BTRC: variants seen among roughly 807,000 people sequenced by gnomAD.
BTRC encodes the protein beta-transducin repeat containing E3 ubiquitin protein ligase.
Under a neutral mutation model 85.5 loss-of-function variants are expected in BTRC, and 42 were observed. The observed-to-expected ratio is 0.49, with a 90% CI of 0.38 to 0.64. The LOEUF is 0.64. Among genes scored for constraint, BTRC ranks in the 30% least tolerant of loss-of-function variants. The pLI, the probability that BTRC is intolerant of heterozygous loss-of-function variation, is 0.00. For synonymous variants in BTRC, 255 were observed against 263.3 expected (o/e 0.97, Z 0.30); for missense variants, 594 against 743.5 (o/e 0.80, Z 2.34).
At chr10:101,499,965 A>G (rs1044570889) in intron 4 of BTRC, among the ~76,000 whole-genome samples, 7 of 151,758 alleles carry the variant, frequency 4.6e-5, no homozygotes, top group African/African-American at 1.7e-4. Context: ...CAGGCTATGG[A>G]CTATAATGCT....
chr10:101,362,759 C>G (rs1168657082), intron 1 of BTRC, among the ~76,000 whole-genome samples: 1 of 152,128 alleles, frequency 6.6e-6, no homozygotes, highest in Non-Finnish European at 1.5e-5. Context: ...AACAGCTGGT[C>G]CCTCATATTT....
At chr10:101,503,511 A>G (rs375702622) in intron 4 of BTRC, among the ~76,000 whole-genome samples, 11 of 152,232 alleles carry the variant, frequency 7.2e-5, no homozygotes, top group East Asian at 5.8e-4. Flanking sequence ...TTTCCTGGAT[A>G]AATTAAGAAA....
At chr10:101,516,245 G>T (rs1000611524) in intron 4 of BTRC, among the ~76,000 whole-genome samples, 1 of 151,950 alleles carries the variant, frequency 6.6e-6, no homozygotes, top group East Asian at 1.9e-4. Context: ...TTTTCATGAG[G>T]GTTTTTTAAT....
chr10:101,423,167 G>A (rs1944153737), intron 1 of BTRC, among the ~76,000 whole-genome samples: 1 of 152,100 alleles, frequency 6.6e-6, no homozygotes, highest in Non-Finnish European at 1.5e-5. Context: ...TCCCACCTTG[G>A]CCTCCCAAAG....
chr10:101,402,167 A>C (rs539202677), intron 1 of BTRC, among the ~76,000 whole-genome samples: 1 of 152,316 alleles, frequency 6.6e-6, no homozygotes. Context: ...CAGCTACTTC[A>C]TATCTGATAA....
Position 101,532,945 on chromosome 10 carries a change from A to G in BTRC, c.979-7A>G, listed in dbSNP as rs778784269. 4 of 1,599,060 alleles carry G rather than the reference A, an allele frequency of 2.5e-6. No homozygotes were observed. Among genetic ancestry groups the G allele is most frequent in the African/African-American group, 1.3e-5 (1 of 74,442 alleles). ...ATTGATCAAAAGGATCTTATTTGCC[A>G]TCCTAGATCTGGGATAAAAACACAT... On this transcript the variant is annotated splice_region_variant and splice_polypyrimidine_tract_variant and intron_variant, in intron 8 of 14. Coordinates refer to ENST00000370187, the MANE Select transcript of BTRC (RefSeq NM_033637.4).
chr10:101,419,666 A>G (rs1944044698), intron 1 of BTRC, among the ~76,000 whole-genome samples: 1 of 152,204 alleles, frequency 6.6e-6, no homozygotes, highest in Admixed American at 6.5e-5. Flanking sequence ...TAACCTAATT[A>G]GGAAAATGGC....
At chr10:101,389,837 C>T (rs1475210490) in intron 1 of BTRC, among the ~76,000 whole-genome samples, 3 of 151,916 alleles carry the variant, frequency 2.0e-5, no homozygotes, top group African/African-American at 7.3e-5. Flanking sequence ...GTTGCCCAGC[C>T]TGGTCTTGAC....
chr10:101,488,359 G>A lies in BTRC; in HGVS notation c.324+8902G>A, dbSNP rs1257157903. On this transcript the variant is annotated intron_variant, in intron 4 of 14. Coordinates refer to ENST00000370187, the MANE Select transcript of BTRC (RefSeq NM_033637.4). The stretch of plus-strand genomic sequence containing the variant: ...GCTATTGACTTCTCAGTGTTGGGCT[G>A]TGTTATTTCAATTTATGTAATTGAG... Among the ~76,000 whole-genome samples the A allele has an allele frequency of 9.2e-5, 14 of 152,288 alleles. 1 individual carries two copies. In the East Asian group the frequency reaches 2.7e-3, roughly 29 times the overall value.
intron 4 of BTRC, among the ~76,000 whole-genome samples, chr10:101,514,189 C>T (rs2061993011): frequency 6.6e-6 from 1 of 152,106 alleles, no homozygotes; most frequent in Non-Finnish European, 1.5e-5. Flanking sequence ...TTGTGAAATA[C>T]ATTTATTGCA....
At chr10:101,362,747 C>T (rs961766939) in intron 1 of BTRC, among the ~76,000 whole-genome samples, 1 of 152,172 alleles carries the variant, frequency 6.6e-6, no homozygotes, top group Admixed American at 6.6e-5. Context: ...TAGCTAACAG[C>T]TAACAGCTGG....
chr10:101,503,960 C>A (rs912905960), intron 4 of BTRC, among the ~76,000 whole-genome samples: 3 of 152,144 alleles, frequency 2.0e-5, no homozygotes, highest in Non-Finnish European at 4.4e-5. Context: ...TTCCCATACA[C>A]TTTTTAACTG....
intron 1 of BTRC, among the ~76,000 whole-genome samples, chr10:101,372,738 G>C (rs1158012728): frequency 2.0e-5 from 3 of 151,672 alleles, no homozygotes; most frequent in African/African-American, 7.3e-5. Flanking sequence ...GGTGGGGCAT[G>C]CCTGTAATCC....
chr10:101,461,460 T>A (rs1430512721), intron 2 of BTRC, among the ~76,000 whole-genome samples: 1 of 152,194 alleles, frequency 6.6e-6, no homozygotes, highest in African/African-American at 2.4e-5. Context: ...TGCCAAGGAA[T>A]GGACTCTAAT....
chr10:101,450,101 T>C (rs1291170190), intron 2 of BTRC, among the ~76,000 whole-genome samples: 2 of 151,574 alleles, frequency 1.3e-5, no homozygotes, highest in Non-Finnish European at 2.9e-5. Context: ...AAAGTTTAAA[T>C]GGACTATTAC....
chr10:101,395,816 A>G (rs972960856), intron 1 of BTRC, among the ~76,000 whole-genome samples: 2 of 152,166 alleles, frequency 1.3e-5, no homozygotes, highest in African/African-American at 2.4e-5. Context: ...CTACCATATT[A>G]TGAATAATCT....
intron 2 of BTRC, among the ~76,000 whole-genome samples, chr10:101,430,668 A>G (rs1944378074): frequency 6.6e-6 from 1 of 152,218 alleles, no homozygotes; most frequent in Admixed American, 6.5e-5. Flanking sequence ...ATTGGTTACA[A>G]AAATTGACAT....
chr10:101,454,882 G>T (rs1400132903), intron 2 of BTRC, among the ~76,000 whole-genome samples: 1 of 152,104 alleles, frequency 6.6e-6, no homozygotes, highest in Non-Finnish European at 1.5e-5. Flanking sequence ...GATGTGTTGT[G>T]GGAAATAACT....
intron 3 of BTRC, among the ~76,000 whole-genome samples, chr10:101,475,422 C>T (rs892567591): frequency 6.6e-6 from 1 of 152,256 alleles, no homozygotes; most frequent in African/African-American, 2.4e-5. Context: ...TGTCTGTAAT[C>T]CCAGCTACTT....
Sources: allele counts gnomAD v4.1 joint callset (sites outside exome capture counted in the v4.1 genomes callset), GRCh38; gene constraint gnomAD v4.1.1; transcripts MANE v1.5; gene names NCBI Gene and HGNC (gene_info 2026-07-23, HGNC 2026-07-21).